The following KCNU1 variants were observed in gnomAD, a reference collection of about 807,000 sequenced individuals.
The protein encoded by KCNU1 is potassium channel subfamily U member 1.
KCNU1 carries 93 observed loss-of-function variants against 126.8 expected under a neutral mutation model. That is an observed-to-expected ratio of 0.73 (90% CI 0.62 to 0.87). The LOEUF is 0.87. KCNU1 is among the 40% of genes least tolerant of loss of function. The probability of loss-of-function intolerance (pLI) is 0.00; values close to 1 mark genes in which losing one functional copy is unlikely to be tolerated. For missense variants in KCNU1, 1,330 were observed against 1,367.1 expected (o/e 0.97, Z 0.43); for synonymous variants, 523 against 494.2 (o/e 1.06, Z -0.77).
chr8:36,904,954 C>T (rs6468383), intron 19 of KCNU1, among the ~76,000 whole-genome samples: 58,713 of 151,972 alleles, frequency 0.39, 11,478 homozygotes, highest in Admixed American at 0.44. Flanking sequence ...CTGGCTGATA[C>T]AGGTCTTTCT....
rs1230873506 is a variant in KCNU1 at position 36,834,760 on chromosome 8, G to T, written c.1213-26G>T. 2.4e-5 allele frequency: 35 copies of T among 1,484,292 alleles called. No homozygotes were observed. In the Admixed American group the frequency reaches 5.8e-4, roughly 24 times the overall value. 91.9% of individuals were successfully genotyped at this position (1,484,292 alleles called of 1,614,324 possible). ...GCATTTCCCATGTAATTAACAAGAT[G>T]GCTCCTGTCCGATCTTGAAGGGTAG... On this transcript the variant is annotated intron_variant, in intron 11 of 26. Coordinates refer to ENST00000399881, the MANE Select transcript of KCNU1 (RefSeq NM_001031836.3).
In KCNU1 at chr8:36,841,910, A is replaced by C. The variant is rs75082924; in HGVS notation, c.1703+907A>C. ...ATTCAGAGCAAATGAAATATACATAAACATAAATGGAAGAAAAGGTGGAAA... is the reference window on the plus strand; with the variant it reads ...ATTCAGAGCAAATGAAATATACATACACATAAATGGAAGAAAAGGTGGAAA... On this transcript the variant is annotated intron_variant, in intron 16 of 26. Coordinates refer to ENST00000399881, the MANE Select transcript of KCNU1 (RefSeq NM_001031836.3). 8.2e-3 allele frequency among the ~76,000 whole-genome samples: 1,249 copies of C among 152,296 alleles called. 78 individuals are homozygous for C. In the East Asian group the frequency reaches 0.17, roughly 21 times the overall value.
intron 18 of KCNU1, among the ~76,000 whole-genome samples, chr8:36,857,595 T>A (rs979357503): frequency 2.0e-5 from 3 of 151,366 alleles, no homozygotes; most frequent in Non-Finnish European, 4.4e-5. Flanking sequence ...TTTTCTTTGT[T>A]TTGTTTTGTT....
Position 36,931,128 on chromosome 8 carries a change from A to G in KCNU1, c.2914A>G (p.Ile972Val). ...KLGLLSLHET[I>V]LSDVNPRNTF... is the part of the protein sequence containing the mutation. ...GGGGCTTCTGTCCTTACACGAAACC[A>G]TTTTATCAGACGTTAATGTGAGTCT... The change falls in exon 25 of 27, where the codon ATT becomes GTT. Residue 972 changes from isoleucine (I) to valine (V), a missense_variant. Coordinates refer to ENST00000399881, the MANE Select transcript of KCNU1 (RefSeq NM_001031836.3). 6.2e-7 allele frequency: 1 copy of G among 1,606,922 alleles called. No homozygotes were observed. Among genetic ancestry groups the G allele is most frequent in the Non-Finnish European group, 8.5e-7 (1 of 1,176,910 alleles).
intron 10 of KCNU1, among the ~76,000 whole-genome samples, chr8:36,832,934 C>G (rs924754758): frequency 1.3e-5 from 2 of 152,022 alleles, no homozygotes; most frequent in Non-Finnish European, 2.9e-5. Context: ...TTTTAGCACT[C>G]TATTTTTTTA....
rs1241999904 is a variant in KCNU1, at chr8:36,814,236, A to G, written c.762A>G (p.Lys254=). 1.2e-6 allele frequency: 2 copies of G among 1,613,304 alleles called. No individual in the cohort carries two copies. Among genetic ancestry groups the G allele is most frequent in the African/African-American group, 1.3e-5 (1 of 74,906 alleles). The change falls in exon 8 of 27, where the codon AAA becomes AAG. Residue 254 remains lysine (K), a synonymous_variant. Transcript: ENST00000399881. ...LVENSGDPWL[K]GRNSQNISYF... is the part of the protein sequence containing the mutation. The stretch of plus-strand genomic sequence containing the variant: ...AAAATTCTGGTGATCCCTGGCTCAA[A>G]GGTAGAAATTCACAGAATATATCAT...
intron 19 of KCNU1, among the ~76,000 whole-genome samples, chr8:36,904,757 C>T (rs751749233): frequency 1.3e-5 from 2 of 152,250 alleles, no homozygotes; most frequent in Non-Finnish European, 2.9e-5. Context: ...GAGGAGGATG[C>T]ATGTTCCAGA....
At chr8:36,912,905 C>A (rs1429753423) in intron 22 of KCNU1, among the ~76,000 whole-genome samples, 2 of 123,198 alleles carry the variant, frequency 1.6e-5, no homozygotes, top group Non-Finnish European at 3.2e-5. Flanking sequence ...GAGGCAGAAG[C>A]TGTAGTGAGC....
At chr8:36,851,997 A>C (rs1057378887) in intron 18 of KCNU1, among the ~76,000 whole-genome samples, 5 of 152,128 alleles carry the variant, frequency 3.3e-5, no homozygotes, top group Admixed American at 1.3e-4. Context: ...ATTAGTTATG[A>C]TGTTGGCTGT....
chr8:36,807,405 T>C lies in KCNU1; in HGVS notation c.611T>C (p.Leu204Pro). 6.2e-7 allele frequency: 1 copy of C among 1,613,518 alleles called. No homozygotes were observed. Among genetic ancestry groups the C allele is most frequent in the Non-Finnish European group, 8.5e-7 (1 of 1,179,520 alleles). The part of the protein sequence containing the change: ...GLRFLRALRL[L>P]ELPQILQILR... ...AGGTTCCTAAGAGCCTTGCGCCTGC[T>C]AGAACTCCCTCAAATCTTGCAAATT... Residue 204 changes from leucine (L) to proline (P), a missense_variant, in exon 6 of 27, where the codon CTA becomes CCA. Around this residue, in one of 3 missense-constraint regions of KCNU1, gnomAD observed 247 missense variants for 255.4 expected, o/e 0.97. Transcript: ENST00000399881.
At chr8:36,868,675 A>G (rs1400597574) in intron 19 of KCNU1, among the ~76,000 whole-genome samples, 1 of 152,250 alleles carries the variant, frequency 6.6e-6, no homozygotes, top group South Asian at 2.1e-4. Context: ...AGAATAAGCA[A>G]TGTTATAAAC....
chr8:36,861,988 C>CTTTG (rs565185246), intron 18 of KCNU1, among the ~76,000 whole-genome samples: 251 of 151,972 alleles, frequency 1.7e-3, no homozygotes, highest in Middle Eastern at 6.8e-3. Flanking sequence ...CCATGGTTTT[C>CTTTG]TTTGTTTGTT....
chr8:36,874,404 C>T (rs1806208622), intron 19 of KCNU1, among the ~76,000 whole-genome samples: 1 of 152,118 alleles, frequency 6.6e-6, no homozygotes, highest in African/African-American at 2.4e-5. Context: ...GAAATAAGCC[C>T]TCATTTTCAT....
chr8:36,831,264 G>T (rs1449864927), intron 10 of KCNU1, among the ~76,000 whole-genome samples: 1 of 152,050 alleles, frequency 6.6e-6, no homozygotes, highest in South Asian at 2.1e-4. Flanking sequence ...AGTCCTTTGG[G>T]TATATACCCA....
At chr8:36,826,645 A>C (rs1410668309) in intron 10 of KCNU1, among the ~76,000 whole-genome samples, 1 of 152,186 alleles carries the variant, frequency 6.6e-6, no homozygotes, top group Admixed American at 6.6e-5. Context: ...TCTACTTATA[A>C]ACCCATCCAT....
chr8:36,935,706 ATTCAG>A lies in KCNU1; in HGVS notation c.3239_3243del (p.Ser1080TyrfsTer2). ...GACACAAATTGTCCTCCCACCATTG[ATTCAG>A]TTACTGAGACATTGTATTCACCAGT... is the stretch of plus-strand genomic sequence containing the variant. On this transcript the variant is annotated frameshift_variant, in exon 27 of 27. Coordinates refer to ENST00000399881, the MANE Select transcript of KCNU1 (RefSeq NM_001031836.3). LOFTEE classifies it low-confidence loss of function (END_TRUNC). 1 of 1,613,338 alleles carries A rather than the reference ATTCAG, an allele frequency of 6.2e-7. No homozygotes were observed. The highest frequency in any genetic ancestry group is 8.5e-7 in the Non-Finnish European group (1 of 1,179,438).
intron 16 of KCNU1, among the ~76,000 whole-genome samples, chr8:36,845,244 T>C (rs1805099866): frequency 6.6e-6 from 1 of 151,844 alleles, no homozygotes; most frequent in Non-Finnish European, 1.5e-5. Flanking sequence ...ATATTTGTCA[T>C]TTGATAGCTT....
intron 19 of KCNU1, among the ~76,000 whole-genome samples, chr8:36,872,984 C>A (rs996875394): frequency 6.6e-6 from 1 of 152,126 alleles, no homozygotes; most frequent in Admixed American, 6.5e-5. Flanking sequence ...GAGGCTGAGG[C>A]AGGAAAATCA....
intron 15 of KCNU1, among the ~76,000 whole-genome samples, 156 bp downstream of exon 15, chr8:36,840,731 T>C (rs532422617): frequency 1.3e-4 from 20 of 152,314 alleles, no homozygotes; most frequent in Admixed American, 2.6e-4. Context: ...ACAGTTGGGA[T>C]GGGGCAATTT....
Sources: allele counts gnomAD v4.1 joint callset (sites outside exome capture counted in the v4.1 genomes callset), GRCh38; gene constraint gnomAD v4.1.1; regional missense constraint gnomAD v4.1.1; transcripts MANE v1.5; gene names NCBI Gene and HGNC (gene_info 2026-07-23, HGNC 2026-07-21).